The following BTD variants were observed in gnomAD, a reference collection of about 807,000 sequenced individuals.
BTD encodes biotinidase, also known as biocytinase.
In BTD, 13 loss-of-function variants were observed where a neutral mutation model predicts 17.7. The ratio of observed to expected loss-of-function variants is 0.74; its 90% CI spans 0.48 to 1.17. The LOEUF is 1.17. BTD is among the 50% of genes most tolerant of loss of function. The probability of loss-of-function intolerance (pLI) is 0.00; values close to 1 mark genes in which losing one functional copy is unlikely to be tolerated. For missense variants in BTD, 674 were observed against 650.4 expected, an observed-to-expected ratio of 1.04 and a Z score of -0.39; for synonymous variants, 240 against 245.2, an observed-to-expected ratio of 0.98 and a Z score of 0.20.
Position 15,641,912 on chromosome 3 carries a change from T to A in BTD, c.254T>A (p.Val85Glu). The change falls in exon 3 of 4, where the codon GTA (valine) becomes GAA (glutamate). Residue 85 changes from valine (V) to glutamate (E), a missense_variant. By Grantham distance (121) the Val-to-Glu change is moderately radical. Transcript: ENST00000643237. Reference sequence around the variant, plus strand: ...CTTTGATGTTTTCATTTTCAGGATGTACAGATTATAGTGTTTCCAGAAGAT... The same window carrying A: ...CTTTGATGTTTTCATTTTCAGGATGAACAGATTATAGTGTTTCCAGAAGAT... ...QQVMTAAQKD[V>E]QIIVFPEDGI... 1.2e-6 allele frequency: 2 copies of A among 1,607,778 alleles called. No homozygotes were observed. Among genetic ancestry groups the A allele is most frequent in the Non-Finnish European group, 1.7e-6 (2 of 1,174,784 alleles).
rs776094195 is a variant in BTD, at chr3:15,601,854, G to T, written c.-57G>T. On this transcript the variant is annotated 5_prime_UTR_variant, in exon 1 of 4. Transcript: ENST00000643237. ...TTTTCGGGGCTGTAAAGGGAGAATG[G>T]CGCATGCGCATATTCAGGGCGGAAG... is the stretch of plus-strand genomic sequence containing the variant. The T allele has an allele frequency of 6.2e-7, 1 of 1,614,232 alleles. No individual in the cohort carries two copies. The highest frequency in any genetic ancestry group is 8.5e-7 in the Non-Finnish European group (1 of 1,180,052).
At chr3:15,664,070 TTTTG>T (rs1575042834) in intron 3 of BTD, among the ~76,000 whole-genome samples, 1 of 152,146 alleles carries the variant, frequency 6.6e-6, no homozygotes, top group African/African-American at 2.4e-5. Context: ...CCTGGCTAAT[TTTTG>T]TATTTTTAGT....
At position 15,644,548 on chromosome 3, in the gene BTD, C is replaced by T. The variant is rs746493935; in HGVS notation, c.632C>T (p.Thr211Ile). 8 of 1,614,162 alleles carry T rather than the reference C, an allele frequency of 5.0e-6. No homozygotes were observed. In the South Asian group the frequency reaches 7.7e-5, roughly 16 times the overall value. The stretch of plus-strand genomic sequence containing the variant: ...GTTCCTCTTAAAGTGGATCTCATCA[C>T]CTTTGATACCCCCTTTGCTGGCAGG... The part of the protein sequence containing the change: ...FDVPLKVDLI[T>I]FDTPFAGRFG... Residue 211 changes from threonine to isoleucine, a missense_variant, in exon 4 of 4, where the codon ACC becomes ATC. Transcript: ENST00000643237.
At chr3:15,663,923 CAG>C (rs932538299) in intron 3 of BTD, among the ~76,000 whole-genome samples, 38 of 152,158 alleles carry the variant, frequency 2.5e-4, no homozygotes, top group African/African-American at 7.0e-4. Flanking sequence ...TCTTTTGAGA[CAG>C]AGTTTCACTC....
downstream of BTD, among the ~76,000 whole-genome samples, chr3:15,654,390 A>G (rs1398095281): frequency 6.6e-6 from 1 of 152,156 alleles, no homozygotes; most frequent in African/African-American, 2.4e-5. Context: ...GGCTGATGAC[A>G]GGTTTTCAGA....
intron 1 of BTD, 140 bp downstream of exon 1, chr3:15,602,034 C>T (rs1037670225): frequency 3.4e-6 from 5 of 1,488,674 alleles, no homozygotes; most frequent in Middle Eastern, 2.5e-4. Flanking sequence ...GCGTCGTTTG[C>T]TGGGGCTGTT....
At chr3:15,690,208 G>T in intron 3 of BTD, 2 of 1,598,368 alleles carry the variant, frequency 1.3e-6, no homozygotes, top group Non-Finnish European at 1.7e-6. Flanking sequence ...GCTTGATGGT[G>T]ACCATGATAG....
chr3:15,705,997 T>C (rs1254961438), intron 3 of BTD, among the ~76,000 whole-genome samples: 1 of 151,688 alleles, frequency 6.6e-6, no homozygotes, highest in East Asian at 1.9e-4. Context: ...CAAGATTCCA[T>C]CTCAAAACGA....
rs1329978694 is a variant in BTD at position 15,619,171 on chromosome 3, A to G, written c.-16-16253A>G. 2.6e-5 allele frequency among the ~76,000 whole-genome samples: 4 copies of G among 152,228 alleles called. No homozygotes were observed. In the East Asian group the frequency reaches 7.7e-4, roughly 29 times the overall value. On this transcript the variant is annotated intron_variant, in intron 1 of 3. Coordinates refer to ENST00000643237, the MANE Select transcript of BTD (RefSeq NM_001370658.1). ...GTTTCTCACCACTAACTGTGATGTT[A>G]GCTGTAGGTGGTTTTTTAAATCAAG...
chr3:15,720,786 A>AT lies in BTD; in HGVS notation c.1016-983dup, dbSNP rs1247108005. 5.0e-5 allele frequency: 43 copies of AT among 862,278 alleles called. 1 individual carries two copies. The highest frequency in any genetic ancestry group is 3.0e-4 in the Middle Eastern group (1 of 3,376). 53.4% of individuals were successfully genotyped at this position (862,278 alleles called of 1,614,324 possible). ...TTGAGTAAGGCTTTCACTCAGCATA[A>AT]TATTTTAAAGATTTATCCATGTTCT... On this transcript the variant is annotated intron_variant, in intron 4 of 4. Coordinates refer to the BTD transcript ENST00000672427.
chr3:15,701,732 CTAAGGTAA>C (rs2070665275), intron 3 of BTD, among the ~76,000 whole-genome samples: 1 of 152,098 alleles, frequency 6.6e-6, no homozygotes, highest in Non-Finnish European at 1.5e-5. Flanking sequence ...ACGTCTGGCT[CTAAGGTAA>C]TAAGACTGGT....
At chr3:15,712,073 TAG>T (rs2072367277) in exon 4 of BTD, 13 of 1,211,958 alleles carry the variant, frequency 1.1e-5, no homozygotes, top group Middle Eastern at 1.9e-4. Flanking sequence ...AAAAGCAGGA[TAG>T]AGACCATCTA....
exon 4 of BTD, chr3:15,712,203 A>G (rs772553701): frequency 3.2e-6 from 5 of 1,583,964 alleles, no homozygotes; most frequent in South Asian, 2.3e-5. Context: ...TGGAGGGGGA[A>G]CATTCCATGT....
chr3:15,661,340 G>T (rs1422309275), intron 3 of BTD, among the ~76,000 whole-genome samples: 2 of 150,416 alleles, frequency 1.3e-5, no homozygotes, highest in Non-Finnish European at 3.0e-5. Context: ...ATTTGGTGTT[G>T]TCAGTGTTCT....
intron 3 of BTD, chr3:15,676,725 G>C: frequency 3.0e-6 from 1 of 331,560 alleles, no homozygotes; most frequent in Non-Finnish European, 5.6e-6. Context: ...CAGAAAATTA[G>C]GTAGGTGGAT....
At chr3:15,676,602 C>T in intron 3 of BTD, 1 of 169,374 alleles carries the variant, frequency 5.9e-6, no homozygotes, top group Non-Finnish European at 1.3e-5. Flanking sequence ...TTTAAGAAAC[C>T]TTATTGGCTT....
intron 1 of BTD, among the ~76,000 whole-genome samples, chr3:15,626,181 C>T (rs1244338381): frequency 6.6e-6 from 1 of 152,136 alleles, no homozygotes; most frequent in Non-Finnish European, 1.5e-5. Flanking sequence ...TCATCCATCC[C>T]AGTATCATAT....
intron 2 of BTD, among the ~76,000 whole-genome samples, chr3:15,637,158 G>A (rs1246931240): frequency 6.6e-6 from 1 of 152,062 alleles, no homozygotes; most frequent in Admixed American, 6.6e-5. Flanking sequence ...CTGTCCCCCA[G>A]GCTGTATCCT....
rs754106492 is a variant in BTD at position 15,637,237 on chromosome 3, C to T, written c.249+1549C>T. Among the ~76,000 whole-genome samples the T allele has an allele frequency of 3.1e-4, 47 of 152,150 alleles. No individual in the cohort carries two copies. The Middle Eastern group carries it at 0.02, about 66-fold the overall frequency. On this transcript the variant is annotated intron_variant, in intron 2 of 3. Transcript: ENST00000643237. ...TCTACTGAAGACTTCCATGTTTTCTCTGTGCTCAGAACTGTATGCAGCTAT... is the reference window on the plus strand; with the variant it reads ...TCTACTGAAGACTTCCATGTTTTCTTTGTGCTCAGAACTGTATGCAGCTAT...
Sources: allele counts gnomAD v4.1 joint callset (sites outside exome capture counted in the v4.1 genomes callset), GRCh38; gene constraint gnomAD v4.1.1; transcripts MANE v1.5; gene names NCBI Gene and HGNC (gene_info 2026-07-23, HGNC 2026-07-21).